Variants in ZNF804A observed in about 807,000 individuals in gnomAD.
ZNF804A encodes the protein zinc finger protein 804A.
Under a neutral mutation model 16.5 loss-of-function variants are expected in ZNF804A, and 2 were observed. That is an observed-to-expected ratio of 0.12 (90% CI 0.05 to 0.38). The LOEUF (loss-of-function observed/expected upper bound fraction) is 0.38, where lower values mean the gene tolerates loss of function less well. Ranked by LOEUF, ZNF804A falls within the 10% of genes least tolerant of loss-of-function variation. The probability of loss-of-function intolerance (pLI) is 0.99; values close to 1 mark genes in which losing one functional copy is unlikely to be tolerated. For missense variants in ZNF804A, 1,473 were observed against 1,390.7 expected (o/e 1.06, Z -0.94); for synonymous variants, 534 against 489.6 (o/e 1.09, Z -1.20).
intron 1 of ZNF804A, among the ~76,000 whole-genome samples, chr2:184,669,256 G>A (rs1217014373): frequency 6.6e-6 from 1 of 152,018 alleles, no homozygotes. Flanking sequence ...TACAGCCCAT[G>A]AAATGTTGAG....
At chr2:184,615,224 A>G (rs1470420480) in intron 1 of ZNF804A, among the ~76,000 whole-genome samples, 1 of 152,222 alleles carries the variant, frequency 6.6e-6, no homozygotes, top group East Asian at 1.9e-4. Flanking sequence ...GGATTAGTTC[A>G]TGCCCTTTGC....
At chr2:184,775,825 G>A (rs539300212) in intron 1 of ZNF804A, among the ~76,000 whole-genome samples, 2 of 151,664 alleles carry the variant, frequency 1.3e-5, no homozygotes, top group African/African-American at 4.8e-5. Flanking sequence ...GGCTAATGGG[G>A]TACAGCACTA....
intron 1 of ZNF804A, among the ~76,000 whole-genome samples, chr2:184,720,954 A>G (rs1256172450): frequency 6.6e-6 from 1 of 152,206 alleles, no homozygotes; most frequent in Non-Finnish European, 1.5e-5. Flanking sequence ...ATTTGCAGCC[A>G]ACTGAATTTT....
intron 1 of ZNF804A, among the ~76,000 whole-genome samples, chr2:184,661,290 A>G (rs551298729): frequency 6.6e-6 from 1 of 152,148 alleles, no homozygotes; most frequent in Admixed American, 6.5e-5. Context: ...CTATAGTTCA[A>G]CGAGTAGGAA....
At chr2:184,733,731 G>A (rs1024377045) in intron 1 of ZNF804A, among the ~76,000 whole-genome samples, 7 of 152,082 alleles carry the variant, frequency 4.6e-5, no homozygotes, top group Middle Eastern at 3.2e-3. Context: ...GTCTATTCTT[G>A]TGTGAATTTT....
chr2:184,893,818 G>A (rs1018960355), intron 2 of ZNF804A, among the ~76,000 whole-genome samples: 1 of 152,032 alleles, frequency 6.6e-6, no homozygotes, highest in Non-Finnish European at 1.5e-5. Flanking sequence ...TGAACTTTTT[G>A]TGTTATATTG....
At chr2:184,688,843 A>T (rs1452316956) in intron 1 of ZNF804A, among the ~76,000 whole-genome samples, 1 of 152,170 alleles carries the variant, frequency 6.6e-6, no homozygotes, top group Non-Finnish European at 1.5e-5. Context: ...TAAATATCTG[A>T]CTATTTTAAG....
chr2:184,774,120 G>A (rs985304389), intron 1 of ZNF804A, among the ~76,000 whole-genome samples: 3 of 151,838 alleles, frequency 2.0e-5, no homozygotes, highest in African/African-American at 7.2e-5. Flanking sequence ...ATTTAAAAAA[G>A]TTAGGAAAGG....
intron 1 of ZNF804A, among the ~76,000 whole-genome samples, chr2:184,830,427 G>A (rs551494013): frequency 6.6e-5 from 10 of 152,074 alleles, no homozygotes; most frequent in Non-Finnish European, 1.5e-4. Context: ...ATAATAGAGA[G>A]ATTTTCTTCA....
chr2:184,853,568 C>G (rs1191484034), intron 1 of ZNF804A, among the ~76,000 whole-genome samples: 1 of 151,656 alleles, frequency 6.6e-6, no homozygotes, highest in Non-Finnish European at 1.5e-5. Flanking sequence ...AATGCATATT[C>G]CTTCTATATC....
intron 1 of ZNF804A, among the ~76,000 whole-genome samples, chr2:184,810,484 CTTTTTTTTTTTTT>C (rs1175105602): frequency 9.2e-4 from 88 of 96,002 alleles, no homozygotes; most frequent in African/African-American, 3.3e-3. Context: ...TGTTCTTTTC[CTTTTTTTTTTTTT>C]TTTTTTTTTT....
chr2:184,817,323 A>G (rs1355979125), intron 1 of ZNF804A, among the ~76,000 whole-genome samples: 1 of 151,904 alleles, frequency 6.6e-6, no homozygotes, highest in Non-Finnish European at 1.5e-5. Flanking sequence ...AAATGGCCTG[A>G]CTGTTAAAAT....
intron 1 of ZNF804A, among the ~76,000 whole-genome samples, chr2:184,745,358 CTGAAACA>C (rs1433280389): frequency 3.3e-5 from 5 of 151,706 alleles, no homozygotes; most frequent in Admixed American, 2.6e-4. Context: ...ATGAGTTTTG[CTGAAACA>C]TTTGCCATGC....
chr2:184,736,552 G>C (rs1329861859), intron 1 of ZNF804A, among the ~76,000 whole-genome samples: 1 of 152,048 alleles, frequency 6.6e-6, no homozygotes, highest in African/African-American at 2.4e-5. Flanking sequence ...CATGGACACA[G>C]GCAGGGTAGC....
intron 1 of ZNF804A, among the ~76,000 whole-genome samples, chr2:184,730,833 G>A (rs986897350): frequency 2.8e-5 from 4 of 145,066 alleles, no homozygotes; most frequent in Non-Finnish European, 5.9e-5. Context: ...CCTGCTACAT[G>A]CATCAATTTG....
At chr2:184,828,045 G>C (rs531261372) in intron 1 of ZNF804A, among the ~76,000 whole-genome samples, 1 of 146,574 alleles carries the variant, frequency 6.8e-6, no homozygotes, top group Admixed American at 6.7e-5. Context: ...ATTAATGGTG[G>C]CATGAGTTTT....
chr2:184,726,256 A>G (rs965242822), intron 1 of ZNF804A, among the ~76,000 whole-genome samples: 9 of 151,724 alleles, frequency 5.9e-5, no homozygotes, highest in African/African-American at 9.7e-5. Context: ...CCAGCAATGT[A>G]TGAGTTTATC....
intron 1 of ZNF804A, among the ~76,000 whole-genome samples, chr2:184,638,788 T>C (rs1691744153): frequency 6.6e-6 from 1 of 152,026 alleles, no homozygotes; most frequent in African/African-American, 2.4e-5. Flanking sequence ...CAGATATTTT[T>C]ATCTTCATCA....
intron 2 of ZNF804A, among the ~76,000 whole-genome samples, chr2:184,907,991 C>T (rs2105830384): frequency 6.6e-6 from 1 of 152,198 alleles, no homozygotes; most frequent in South Asian, 2.1e-4. Context: ...CCTTCCAAAG[C>T]ATCTGATACT....
Sources: gnomAD v4.1 joint callset for allele counts (sites outside exome capture counted in the v4.1 genomes callset) on GRCh38, gnomAD v4.1.1 for gene constraint, MANE v1.5 for transcripts, NCBI Gene and HGNC (gene_info 2026-07-23, HGNC 2026-07-21) for gene names.